MICU3: variants seen among roughly 807,000 people sequenced by gnomAD.
MICU3 encodes the protein mitochondrial calcium uptake 3.
A neutral mutation model predicts 66.5 loss-of-function variants in MICU3; 62 were observed. The observed-to-expected ratio is 0.93, with a 90% CI of 0.76 to 1.15. The LOEUF (loss-of-function observed/expected upper bound fraction) is 1.15, where lower values mean the gene tolerates loss of function less well. Ranked by LOEUF, MICU3 falls within the 50% of genes most tolerant of loss-of-function variation. The probability of loss-of-function intolerance (pLI) is 0.00; values close to 1 mark genes in which losing one functional copy is unlikely to be tolerated. For missense variants in MICU3, 779 were observed against 664.4 expected, an observed-to-expected ratio of 1.17 and a Z score of -1.90; for synonymous variants, 308 against 240.7, an observed-to-expected ratio of 1.28 and a Z score of -2.59.
At chr8:17,049,888 A>G (rs1411623157) in intron 1 of MICU3, among the ~76,000 whole-genome samples, 1 of 152,148 alleles carries the variant, frequency 6.6e-6, no homozygotes, top group African/African-American at 2.4e-5. Flanking sequence ...TAAGACATGA[A>G]CTTTTGTTTT....
At chr8:17,081,780 A>C in intron 5 of MICU3, 40 bp downstream of exon 5, 1 of 848,904 alleles carries the variant, frequency 1.2e-6, no homozygotes, top group African/African-American at 1.8e-5. Flanking sequence ...ATGCAGCTTT[A>C]TTTTTTAAAC....
chr8:17,076,625 C>A (rs775673550), intron 3 of MICU3, among the ~76,000 whole-genome samples: 2 of 152,170 alleles, frequency 1.3e-5, no homozygotes, highest in Non-Finnish European at 2.9e-5. Context: ...TTCCTGCTAG[C>A]TCAGCTTTGC....
intron 1 of MICU3, among the ~76,000 whole-genome samples, chr8:17,050,951 C>G (rs955366913): frequency 2.0e-5 from 3 of 152,148 alleles, no homozygotes; most frequent in Admixed American, 2.0e-4. Context: ...ACTTTATCAC[C>G]TGGCATTAGA....
At chr8:17,094,768 T>TCA (rs966333082) in intron 8 of MICU3, among the ~76,000 whole-genome samples, 2 of 151,994 alleles carry the variant, frequency 1.3e-5, no homozygotes, top group Admixed American at 6.6e-5. Context: ...ACACAAACCA[T>TCA]CACACAGGTG....
chr8:17,096,317 C>T (rs947460969), intron 8 of MICU3, among the ~76,000 whole-genome samples: 1 of 151,838 alleles, frequency 6.6e-6, no homozygotes, highest in African/African-American at 2.4e-5. Context: ...CTATTAAAAT[C>T]TAGTCTGACT....
intron 11 of MICU3, among the ~76,000 whole-genome samples, chr8:17,109,122 C>T (rs1225876937): frequency 2.0e-5 from 3 of 152,116 alleles, no homozygotes; most frequent in Admixed American, 1.3e-4. Flanking sequence ...TACTCCCTCT[C>T]CTGGCTGTCC....
At chr8:17,102,880 A>T (rs1370516353) in intron 9 of MICU3, among the ~76,000 whole-genome samples, 1 of 152,012 alleles carries the variant, frequency 6.6e-6, no homozygotes, top group East Asian at 1.9e-4. Flanking sequence ...CAACAAAGTA[A>T]ACTGAGAAGT....
intron 1 of MICU3, among the ~76,000 whole-genome samples, chr8:17,036,877 G>A (rs539438954): frequency 1.6e-4 from 24 of 152,230 alleles, no homozygotes; most frequent in Non-Finnish European, 2.8e-4. Context: ...GGTGGTGCTC[G>A]TTGGGGAGGC....
intron 8 of MICU3, among the ~76,000 whole-genome samples, chr8:17,092,490 AT>A (rs1316343067): frequency 6.6e-6 from 1 of 151,862 alleles, no homozygotes; most frequent in Admixed American, 6.6e-5. Context: ...TTATTGTAAT[AT>A]TTTTTCTTTA....
intron 9 of MICU3, among the ~76,000 whole-genome samples, chr8:17,103,026 A>G (rs939125682): frequency 6.6e-6 from 1 of 151,998 alleles, no homozygotes; most frequent in African/African-American, 2.4e-5. Context: ...TAGATAATTT[A>G]AAGTACAGAT....
chr8:17,062,260 C>T (rs1009785260), intron 1 of MICU3, among the ~76,000 whole-genome samples: 5 of 152,068 alleles, frequency 3.3e-5, no homozygotes, highest in Admixed American at 3.3e-4. Flanking sequence ...TTTTTAAGCC[C>T]AGCCTATGGC....
In MICU3 at chr8:17,028,316, A is replaced by G. The variant is rs1378634630; in HGVS notation, c.381+656A>G. Among the ~76,000 whole-genome samples, 4 of 152,344 alleles carry G rather than the reference A, an allele frequency of 2.6e-5. No homozygotes were observed. In the South Asian group the frequency reaches 6.2e-4, roughly 24 times the overall value. On this transcript the variant is annotated intron_variant, in intron 1 of 14. Transcript: ENST00000318063. ...CGATAAAACACAAAATGGATAGGATAGCAAATGTAGGAGGCTGTGAATGAC... is the reference window on the plus strand; with the variant it reads ...CGATAAAACACAAAATGGATAGGATGGCAAATGTAGGAGGCTGTGAATGAC...
chr8:17,043,431 C>T (rs1381728891), intron 1 of MICU3, among the ~76,000 whole-genome samples: 3 of 152,158 alleles, frequency 2.0e-5, no homozygotes, highest in Non-Finnish European at 4.4e-5. Flanking sequence ...CATATACATA[C>T]ATTGTCCCCA....
chr8:17,080,083 T>C (rs556700556), intron 4 of MICU3, among the ~76,000 whole-genome samples: 5 of 152,220 alleles, frequency 3.3e-5, no homozygotes, highest in African/African-American at 1.2e-4. Context: ...TGCCTAGCTT[T>C]TTTTTTTGTA....
At chr8:17,131,931 G>T in the MICU3 span, 1 of 152,172 alleles carries the variant, frequency 6.6e-6, no homozygotes. Context: ...AGCATAGTCT[G>T]CCCCTTTGAG....
At chr8:17,029,345 G>A (rs1307924428) in intron 1 of MICU3, among the ~76,000 whole-genome samples, 2 of 152,062 alleles carry the variant, frequency 1.3e-5, no homozygotes, top group Non-Finnish European at 2.9e-5. Flanking sequence ...GTGTGGTGTT[G>A]GGCGCTTGTA....
chr8:17,046,666 G>C (rs1388131373), intron 1 of MICU3, among the ~76,000 whole-genome samples: 1 of 151,930 alleles, frequency 6.6e-6, no homozygotes, highest in Non-Finnish European at 1.5e-5. Context: ...TGCTCATGTG[G>C]GGACAGAAAA....
At chr8:17,110,401 A>G (rs991009053) in intron 11 of MICU3, among the ~76,000 whole-genome samples, 4 of 152,050 alleles carry the variant, frequency 2.6e-5, no homozygotes, top group Non-Finnish European at 4.4e-5. Flanking sequence ...CCCCGTACCT[A>G]TGATGCAGTC....
At position 17,098,620 on chromosome 8, in the gene MICU3, T is replaced by A. The variant is rs1363623067; in HGVS notation, c.984+67T>A. 8 of 1,075,968 alleles carry A rather than the reference T, an allele frequency of 7.4e-6. No homozygotes were observed. The South Asian group carries it at 9.0e-5, about 12-fold the overall frequency. 66.7% of individuals were successfully genotyped at this position (1,075,968 alleles called of 1,614,324 possible). A position where few individuals can be genotyped will look rare whatever the true frequency, so the allele number is the denominator to read the frequency against. Reference sequence around the variant, plus strand: ...CTTGTTAATCTAGTCGTCATTTCATTTTAGTCACAGTGATGAAACCCAACA... The same window carrying A: ...CTTGTTAATCTAGTCGTCATTTCATATTAGTCACAGTGATGAAACCCAACA... On this transcript the variant is annotated intron_variant, in intron 9 of 14. Transcript: ENST00000318063.
Sources: gnomAD v4.1 joint callset for allele counts (sites outside exome capture counted in the v4.1 genomes callset) on GRCh38, gnomAD v4.1.1 for gene constraint, MANE v1.5 for transcripts, NCBI Gene and HGNC (gene_info 2026-07-23, HGNC 2026-07-21) for gene names.